COG5: variants seen among roughly 807,000 people sequenced by gnomAD.
The protein encoded by COG5 is component of oligomeric golgi complex 5, also known as conserved oligomeric Golgi complex subunit 5.
A neutral mutation model predicts 110.4 loss-of-function variants in COG5; 86 were observed. The ratio of observed to expected loss-of-function variants is 0.78; its 90% CI spans 0.65 to 0.93. The LOEUF is 0.93. Among genes scored for constraint, COG5 ranks in the 40% least tolerant of loss-of-function variants. COG5 has a pLI of 0.00. For missense variants in COG5, 1,077 were observed against 987.0 expected (o/e 1.09, Z -1.22); for synonymous variants, 360 against 334.6 (o/e 1.08, Z -0.83).
chr7:107,285,136 GAT>G (rs1805517999), intron 12 of COG5, among the ~76,000 whole-genome samples: 1 of 152,178 alleles, frequency 6.6e-6, no homozygotes, highest in African/African-American at 2.4e-5. Flanking sequence ...GTGCTGGGAA[GAT>G]AGAGATTAAG....
At chr7:107,523,771 C>A (rs766592160) in intron 6 of COG5, among the ~76,000 whole-genome samples, 8 of 151,160 alleles carry the variant, frequency 5.3e-5, no homozygotes, top group Admixed American at 2.6e-4. Context: ...GGCGAGATTG[C>A]GCCATTGTGC....
intron 6 of COG5, among the ~76,000 whole-genome samples, chr7:107,498,121 CA>C (rs1798394088): frequency 6.6e-6 from 1 of 152,210 alleles, no homozygotes; most frequent in African/African-American, 2.4e-5. Context: ...ACACCATACA[CA>C]AAAATCAACT....
intron 18 of COG5, among the ~76,000 whole-genome samples, chr7:107,234,121 A>C (rs1161801085): frequency 6.6e-6 from 1 of 152,182 alleles, no homozygotes; most frequent in Non-Finnish European, 1.5e-5. Flanking sequence ...GGATGTTTTG[A>C]AACTGGGACA....
At chr7:107,435,557 G>T (rs1794316415) in intron 6 of COG5, among the ~76,000 whole-genome samples, 1 of 151,986 alleles carries the variant, frequency 6.6e-6, no homozygotes, top group African/African-American at 2.4e-5. Context: ...GGAGGCTGAG[G>T]CACGAGAATT....
chr7:107,452,970 T>C lies in COG5; in HGVS notation c.539-40338A>G, dbSNP rs572189091. Among the ~76,000 whole-genome samples the C allele has an allele frequency of 9.2e-5, 14 of 152,368 alleles. No individual in the cohort carries two copies. In the East Asian group the frequency reaches 1.3e-3, roughly 15 times the overall value. ...GCAGACTAGTGTCTGTCTTATGTAA[T>C]TGCATAGCACCTTATACTTAATCTT... On this transcript the variant is annotated intron_variant, in intron 6 of 21. Coordinates refer to ENST00000297135, the MANE Select transcript of COG5 (RefSeq NM_006348.5).
At chr7:107,260,748 GA>G (rs1803269566) in intron 14 of COG5, among the ~76,000 whole-genome samples, 2 of 151,956 alleles carry the variant, frequency 1.3e-5, no homozygotes, top group Non-Finnish European at 2.9e-5. Flanking sequence ...AACTAAAAAT[GA>G]AACGTCATCA....
intron 21 of COG5, chr7:107,208,250 A>G: frequency 1.0e-6 from 1 of 985,436 alleles, no homozygotes; most frequent in Middle Eastern, 5.2e-4. Flanking sequence ...AGGGATGGAT[A>G]TGCCTTTTTA....
chr7:107,343,614 G>C (rs1811351759), intron 10 of COG5, among the ~76,000 whole-genome samples: 2 of 152,192 alleles, frequency 1.3e-5, no homozygotes, highest in South Asian at 4.1e-4. Context: ...CTGGGAGGCA[G>C]AGATTGCAGC....
chr7:107,526,846 T>C (rs1258262661), intron 6 of COG5, among the ~76,000 whole-genome samples: 1 of 152,088 alleles, frequency 6.6e-6, no homozygotes, highest in Non-Finnish European at 1.5e-5. Flanking sequence ...AAAACTACAA[T>C]GATGGAGAAA....
chr7:107,522,789 C>T (rs1024486357), intron 6 of COG5, among the ~76,000 whole-genome samples: 1 of 152,152 alleles, frequency 6.6e-6, no homozygotes, highest in Non-Finnish European at 1.5e-5. Flanking sequence ...ATTGTTCCTG[C>T]ACCATCTGTT....
chr7:107,294,944 CACACACAT>C (rs1243958604), intron 12 of COG5, among the ~76,000 whole-genome samples: 3 of 118,292 alleles, frequency 2.5e-5, no homozygotes, highest in South Asian at 2.7e-4. Flanking sequence ...CACACACACA[CACACACAT>C]ATATATATAC....
chr7:107,292,482 G>C (rs1418651581), intron 12 of COG5, among the ~76,000 whole-genome samples: 2 of 152,192 alleles, frequency 1.3e-5, no homozygotes, highest in Non-Finnish European at 2.9e-5. Flanking sequence ...AGAACTGACT[G>C]AGTGGTTAAG....
At chr7:107,326,347 A>C (rs1372253671) in intron 10 of COG5, among the ~76,000 whole-genome samples, 1 of 152,170 alleles carries the variant, frequency 6.6e-6, no homozygotes, top group Non-Finnish European at 1.5e-5. Flanking sequence ...TCCAAATTGG[A>C]ATGGAAGAAG....
chr7:107,298,933 A>C (rs1807005497), intron 11 of COG5, among the ~76,000 whole-genome samples: 1 of 152,218 alleles, frequency 6.6e-6, no homozygotes, highest in African/African-American at 2.4e-5. Context: ...GCTTCTAAAT[A>C]ACCCATGGAT....
intron 5 of COG5, among the ~76,000 whole-genome samples, chr7:107,537,553 C>A (rs1009794161): frequency 6.6e-6 from 1 of 151,526 alleles, no homozygotes; most frequent in Admixed American, 6.6e-5. Flanking sequence ...TACATGGACA[C>A]AGGGAGGGGA....
In COG5 at chr7:107,506,519, T is replaced by A. The variant is rs1027523343; in HGVS notation, c.538+20718A>T. 2.0e-5 allele frequency among the ~76,000 whole-genome samples: 3 copies of A among 151,978 alleles called. No individual in the cohort carries two copies. The East Asian group carries it at 5.8e-4, about 29-fold the overall frequency. ...GCACTGGGGTAATGTTCCAGAGAGG[T>A]GTATTAACTGTCTCTGCTGCACAGA... On this transcript the variant is annotated intron_variant, in intron 6 of 21. Coordinates refer to ENST00000297135, the MANE Select transcript of COG5 (RefSeq NM_006348.5).
intron 10 of COG5, among the ~76,000 whole-genome samples, chr7:107,334,476 C>T (rs919384886): frequency 1.3e-5 from 2 of 151,388 alleles, no homozygotes; most frequent in African/African-American, 4.9e-5. Flanking sequence ...ATAAAACTAC[C>T]CCAAGGCATA....
chr7:107,521,754 A>C (rs186779359), intron 6 of COG5, among the ~76,000 whole-genome samples: 52 of 152,330 alleles, frequency 3.4e-4, no homozygotes, highest in African/African-American at 1.0e-3. Flanking sequence ...AACCAGAAAT[A>C]CCATTTGCCC....
intron 7 of COG5, among the ~76,000 whole-genome samples, chr7:107,390,360 A>G (rs189980446): frequency 3.3e-5 from 5 of 152,272 alleles, no homozygotes; most frequent in African/African-American, 1.2e-4. Flanking sequence ...AGGTATAGAT[A>G]AAAAAATTCT....
Sources: gnomAD v4.1 joint callset for allele counts (sites outside exome capture counted in the v4.1 genomes callset) on GRCh38, gnomAD v4.1.1 for gene constraint, MANE v1.5 for transcripts, NCBI Gene and HGNC (gene_info 2026-07-23, HGNC 2026-07-21) for gene names.